Variants in XRCC5 observed in about 807,000 individuals in gnomAD.
XRCC5 encodes X-ray repair cross complementing 5.
In XRCC5, 12 loss-of-function variants were observed where a neutral mutation model predicts 95.7. The ratio of observed to expected loss-of-function variants is 0.13; its 90% confidence interval spans 0.08 to 0.20. The LOEUF is 0.20. XRCC5 is among the 10% of genes least tolerant of loss of function. The probability of loss-of-function intolerance (pLI) is 1.00; values close to 1 mark genes in which losing one functional copy is unlikely to be tolerated. For synonymous variants in XRCC5, 281 were observed against 290.3 expected, an observed-to-expected ratio of 0.97 and a Z score of 0.33; for missense variants, 595 against 873.9, an observed-to-expected ratio of 0.68 and a Z score of 4.02.
chr2:216,199,449 C>T (rs913057291), intron 19 of XRCC5, among the ~76,000 whole-genome samples: 1 of 152,142 alleles, frequency 6.6e-6, no homozygotes, highest in African/African-American at 2.4e-5. Flanking sequence ...CAGTCACTTT[C>T]TTTTAAGTTT....
In XRCC5 at chr2:216,187,861, T is replaced by TCTCTCTCTCTCTCTCTCTCCC. The variant is rs143232624; in HGVS notation, c.1835-2363_1835-2362insTCTCTCTCTCTCTCTCTCCCC. On this transcript the variant is annotated intron_variant, in intron 16 of 20. Coordinates refer to ENST00000392132, the MANE Select transcript of XRCC5 (RefSeq NM_021141.4). ...CTCTCTCTCTCTCTCTCTCTCTCTC[T>TCTCTCTCTCTCTCTCTCTCCC]CCCCGTCTCCCTGTCTCTCCCTCTC... 9.5e-5 allele frequency among the ~76,000 whole-genome samples: 11 copies of TCTCTCTCTCTCTCTCTCTCCC among 116,282 alleles called. 2 individuals are homozygous for TCTCTCTCTCTCTCTCTCTCCC. Among genetic ancestry groups the TCTCTCTCTCTCTCTCTCTCCC allele is most frequent in the African/African-American group, 4.6e-4 (11 of 23,912 alleles). The allele number at this position is 116,282 out of a possible 152,430, so 76.3% of individuals were successfully genotyped here.
intron 19 of XRCC5, among the ~76,000 whole-genome samples, chr2:216,203,514 T>G (rs1251916300): frequency 6.6e-6 from 1 of 152,194 alleles, no homozygotes; most frequent in Non-Finnish European, 1.5e-5. Context: ...AAAAAGAGTG[T>G]TCAGATAATT....
intron 18 of XRCC5, 116 bp from the exon 19 acceptor site, chr2:216,194,803 T>C: frequency 1.0e-6 from 1 of 965,222 alleles, no homozygotes; most frequent in Non-Finnish European, 1.6e-6. Flanking sequence ...GGACCCTGTC[T>C]CTATTTAAAA....
intron 18 of XRCC5, among the ~76,000 whole-genome samples, chr2:216,194,201 C>A (rs1205060475): frequency 6.6e-6 from 1 of 152,162 alleles, no homozygotes; most frequent in Non-Finnish European, 1.5e-5. Context: ...TGACTTTAAG[C>A]AAAATGACAC....
chr2:216,192,713 T>C lies in XRCC5; in HGVS notation c.2019T>C (p.His673=). 1 of 1,595,678 alleles carries C rather than the reference T, an allele frequency of 6.3e-7. No homozygotes were observed. Among genetic ancestry groups the C allele is most frequent in the Middle Eastern group, 1.7e-4 (1 of 5,992 alleles). ...QEKVEIKQLN[H]FWEIVVQDGI... ...AAGTGGAAATTAAACAATTAAATCATTTCTGGGAAATTGTTGTCCAGGGTA... is the reference window on the plus strand; with the variant it reads ...AAGTGGAAATTAAACAATTAAATCACTTCTGGGAAATTGTTGTCCAGGGTA... Residue 673 remains histidine (H), a synonymous_variant, in exon 18 of 21, where the codon CAT becomes CAC. Coordinates refer to ENST00000392132, the MANE Select transcript of XRCC5 (RefSeq NM_021141.4).
chr2:216,137,119 A>G lies in XRCC5; in HGVS notation c.1145A>G (p.His382Arg). 2 of 1,613,630 alleles carry G rather than the reference A, an allele frequency of 1.2e-6. No individual in the cohort carries two copies. Among genetic ancestry groups the G allele is most frequent in the Non-Finnish European group, 8.5e-7 (1 of 1,179,720 alleles). ...GCAGTTGCACTTTCCTCCCTGATTC[A>G]TGCTTTGGATGACTTAGACATGGTG... ...AAAVALSSLI[H>R]ALDDLDMVAI... Residue 382 changes from histidine (H) to arginine (R), a missense_variant, in exon 11 of 21, where the codon CAT becomes CGT. This residue lies in a region of XRCC5 where 286 missense variants were observed against 491.1 expected (regional missense o/e 0.58). Transcript: ENST00000392132.
chr2:216,195,371 T>TC (rs11393279), intron 19 of XRCC5, among the ~76,000 whole-genome samples: 2 of 114,546 alleles, frequency 1.7e-5, no homozygotes, highest in African/African-American at 6.7e-5. Context: ...TTTTCTTTTC[T>TC]TTTCTTTTCT....
At chr2:216,140,307 CTT>C (rs1212095750) in intron 12 of XRCC5, among the ~76,000 whole-genome samples, 2 of 152,362 alleles carry the variant, frequency 1.3e-5, no homozygotes, top group East Asian at 3.9e-4. Context: ...ACTACTTACT[CTT>C]TTCCACCTTT....
intron 12 of XRCC5, 100 bp from the exon 13 acceptor site, chr2:216,141,086 T>C: frequency 1.4e-6 from 2 of 1,443,904 alleles, no homozygotes; most frequent in Non-Finnish European, 1.9e-6. Flanking sequence ...CAGGACTGTA[T>C]AACCTGCCAA....
In XRCC5 at chr2:216,138,072, C is replaced by A. The variant is rs1230414133; in HGVS notation, c.1252-17C>A. The stretch of plus-strand genomic sequence containing the variant: ...AATTTCATCGTTTCTGCTTTTACCC[C>A]CTTTCTTTCTCATTAGTGTTTAGTG... On this transcript the variant is annotated splice_polypyrimidine_tract_variant and intron_variant, in intron 11 of 20. Coordinates refer to ENST00000392132, the MANE Select transcript of XRCC5 (RefSeq NM_021141.4). 1 of 1,581,048 alleles carries A rather than the reference C, an allele frequency of 6.3e-7. No individual in the cohort carries two copies. Among genetic ancestry groups the A allele is most frequent in the Admixed American group, 1.8e-5 (1 of 56,204 alleles).
At chr2:216,113,788 T>C (rs552201883) in intron 2 of XRCC5, among the ~76,000 whole-genome samples, 2 of 152,328 alleles carry the variant, frequency 1.3e-5, no homozygotes, top group Non-Finnish European at 2.9e-5. Flanking sequence ...GGTTTCTGTA[T>C]AGTTTCAATT....
At chr2:216,138,479 C>T (rs555387724) in intron 12 of XRCC5, among the ~76,000 whole-genome samples, 5 of 152,222 alleles carry the variant, frequency 3.3e-5, no homozygotes, top group Non-Finnish European at 7.4e-5. Flanking sequence ...TTGCCCCTGC[C>T]GAAGTGAATC....
rs537794622 is a variant in XRCC5, at chr2:216,163,178, A to T, written c.1834+1130A>T. 8.6e-5 allele frequency among the ~76,000 whole-genome samples: 13 copies of T among 152,026 alleles called. No homozygotes were observed. In the South Asian group the frequency reaches 2.5e-3, roughly 29 times the overall value. ...GTGACAGGGTCTCGCTGTGTCACCC[A>T]GGCTGGAGTGCAGTGGCAGGATCAT... On this transcript the variant is annotated intron_variant, in intron 16 of 20. Transcript: ENST00000392132.
At chr2:216,203,454 G>A (rs927356328) in intron 19 of XRCC5, among the ~76,000 whole-genome samples, 1 of 152,306 alleles carries the variant, frequency 6.6e-6, no homozygotes, top group African/African-American at 2.4e-5. Flanking sequence ...GCTGCCACAT[G>A]CCTTGAAGGA....
intron 16 of XRCC5, among the ~76,000 whole-genome samples, chr2:216,166,469 T>C (rs1372879622): frequency 6.6e-6 from 1 of 152,106 alleles, no homozygotes; most frequent in Non-Finnish European, 1.5e-5. Flanking sequence ...CATCTATCAG[T>C]TATGAAAGTA....
intron 19 of XRCC5, among the ~76,000 whole-genome samples, chr2:216,200,463 A>G (rs999725175): frequency 3.3e-5 from 5 of 152,210 alleles, no homozygotes; most frequent in Non-Finnish European, 7.3e-5. Context: ...AATAATGAAA[A>G]TATCACAGTG....
chr2:216,160,941 G>A (rs902492334), intron 15 of XRCC5, among the ~76,000 whole-genome samples: 1 of 151,882 alleles, frequency 6.6e-6, no homozygotes, highest in African/African-American at 2.4e-5. Flanking sequence ...CAATCCTCCC[G>A]CTTCAGCCTC....
chr2:216,160,690 A>ATTT (rs1688936415), intron 15 of XRCC5, among the ~76,000 whole-genome samples: 5 of 151,398 alleles, frequency 3.3e-5, no homozygotes, highest in African/African-American at 9.7e-5. Flanking sequence ...TTAATTAATT[A>ATTT]ATTTTTATAT....
At chr2:216,161,851 G>T in intron 15 of XRCC5, 128 bp from the exon 16 acceptor site, 6 of 760,088 alleles carry the variant, frequency 7.9e-6, no homozygotes, top group Non-Finnish European at 1.3e-5. Context: ...GAATAGAAAA[G>T]CCCTTCTCTT....
Sources: gnomAD v4.1 joint callset for allele counts (sites outside exome capture counted in the v4.1 genomes callset) on GRCh38, gnomAD v4.1.1 for gene constraint, gnomAD v4.1.1 regional missense constraint, MANE v1.5 for transcripts, NCBI Gene and HGNC (gene_info 2026-07-23, HGNC 2026-07-21) for gene names.